The following TRMT9B variants were observed in gnomAD, a reference collection of about 807,000 sequenced individuals.
TRMT9B encodes tRNA methyltransferase 9B (putative), also known as probable tRNA methyltransferase 9B.
Under a neutral mutation model 11.5 loss-of-function variants are expected in TRMT9B, and 16 were observed. The ratio of observed to expected loss-of-function variants is 1.39; its 90% CI spans 0.94 to 2.11. The LOEUF is 2.11. Ranked by LOEUF, TRMT9B falls within the 30% of genes most tolerant of loss-of-function variation. The pLI, the probability that TRMT9B is intolerant of heterozygous loss-of-function variation, is 0.00. For missense variants in TRMT9B, 941 were observed against 553.8 expected, an observed-to-expected ratio of 1.70 and a Z score of -7.02; for synonymous variants, 274 against 192.4, an observed-to-expected ratio of 1.42 and a Z score of -3.51.
intron 1 of TRMT9B, among the ~76,000 whole-genome samples, chr8:12,961,140 A>AAAAC (rs1309613456): frequency 1.3e-5 from 2 of 152,098 alleles, no homozygotes; most frequent in Non-Finnish European, 2.9e-5. Flanking sequence ...ACTCCATCTC[A>AAAAC]AAACAAACAA....
intron 1 of TRMT9B, among the ~76,000 whole-genome samples, chr8:12,959,346 G>A (rs1039349974): frequency 9.2e-5 from 14 of 151,980 alleles, no homozygotes; most frequent in African/African-American, 1.2e-4. Flanking sequence ...TGTTTCATGC[G>A]TACAATTATT....
At chr8:12,991,398 A>G (rs572609678) in intron 2 of TRMT9B, among the ~76,000 whole-genome samples, 19 of 152,304 alleles carry the variant, frequency 1.2e-4, no homozygotes, top group African/African-American at 4.6e-4. Flanking sequence ...TGAAAAAGCT[A>G]TGCATTTTGT....
At chr8:13,016,358 G>A (rs1812703994) in intron 4 of TRMT9B, among the ~76,000 whole-genome samples, 2 of 145,402 alleles carry the variant, frequency 1.4e-5, no homozygotes, top group Non-Finnish European at 1.5e-5. Flanking sequence ...ACATATATAA[G>A]GACCTATATT....
At chr8:13,013,221 C>T (rs551983500) in intron 4 of TRMT9B, among the ~76,000 whole-genome samples, 1 of 152,280 alleles carries the variant, frequency 6.6e-6, no homozygotes, top group South Asian at 2.1e-4. Context: ...AGTTATATTA[C>T]CATTTTTTAG....
chr8:12,955,465 A>G, intron 1 of TRMT9B, among the ~76,000 whole-genome samples: 1 of 151,880 alleles, frequency 6.6e-6, no homozygotes, highest in East Asian at 1.9e-4. Context: ...CCCGATCATT[A>G]TTTCCCAGCC....
At chr8:13,004,288 G>A (rs779032685) in intron 2 of TRMT9B, among the ~76,000 whole-genome samples, 3 of 151,906 alleles carry the variant, frequency 2.0e-5, no homozygotes, top group Non-Finnish European at 4.4e-5. Context: ...CTCAGAGCCC[G>A]TGGACCAGGT....
intron 1 of TRMT9B, among the ~76,000 whole-genome samples, chr8:12,985,339 G>A (rs1806112162): frequency 6.6e-6 from 1 of 152,128 alleles, no homozygotes; most frequent in African/African-American, 2.4e-5. Context: ...CCTTTCCTTA[G>A]CATTTCCATT....
chr8:12,975,588 A>G (rs1804324477), intron 1 of TRMT9B, among the ~76,000 whole-genome samples: 1 of 152,048 alleles, frequency 6.6e-6, no homozygotes, highest in Non-Finnish European at 1.5e-5. Context: ...AATACAAAAA[A>G]TTAGCTGGGT....
At chr8:13,011,691 A>G in intron 3 of TRMT9B, 2 of 978,968 alleles carry the variant, frequency 2.0e-6, no homozygotes, top group Non-Finnish European at 2.4e-6. Flanking sequence ...GGCTTTGTAA[A>G]TCCTGAATTA....
In TRMT9B at chr8:13,010,807, CA is replaced by C. The variant is rs1163050497; in HGVS notation, c.155-1876del. 4.1e-6 allele frequency: 4 copies of C among 983,006 alleles called. No individual in the cohort carries two copies. In the African/African-American group the frequency reaches 7.0e-5, roughly 17 times the overall value. The allele number at this position is 983,006 out of a possible 1,614,324, so 60.9% of individuals were successfully genotyped here. ...AATAGGACCATCGTCTTTTGAAATA[CA>C]CAGGATTTTAATTTTAAAATACTTT... On this transcript the variant is annotated intron_variant, in intron 3 of 4. Transcript: ENST00000524591.
intron 1 of TRMT9B, among the ~76,000 whole-genome samples, chr8:12,959,518 T>C (rs543916516): frequency 2.1e-4 from 23 of 109,060 alleles, no homozygotes; most frequent in African/African-American, 8.4e-4. Context: ...TTTCCTTCCT[T>C]TTTTTTTTTT....
intron 1 of TRMT9B, among the ~76,000 whole-genome samples, chr8:12,949,577 A>C (rs187196651): frequency 1.3e-5 from 2 of 152,040 alleles, no homozygotes; most frequent in African/African-American, 4.8e-5. Context: ...AAATCTCTTT[A>C]TTTTTCTACC....
chr8:12,961,173 T>G (rs1802051611), intron 1 of TRMT9B, among the ~76,000 whole-genome samples: 1 of 151,796 alleles, frequency 6.6e-6, no homozygotes, highest in South Asian at 2.1e-4. Flanking sequence ...CTATTCTGTG[T>G]GATATAGTAG....
intron 1 of TRMT9B, among the ~76,000 whole-genome samples, chr8:12,986,145 A>C (rs1028642458): frequency 2.0e-5 from 3 of 152,200 alleles, no homozygotes; most frequent in Non-Finnish European, 4.4e-5. Flanking sequence ...TACAGGCATG[A>C]GCCACTGTGC....
intron 1 of TRMT9B, among the ~76,000 whole-genome samples, chr8:12,975,848 T>G (rs1020337487): frequency 2.6e-5 from 4 of 152,200 alleles, no homozygotes; most frequent in Admixed American, 6.5e-5. Flanking sequence ...TTGCCAGATA[T>G]GGTGACAGAC....
intron 1 of TRMT9B, among the ~76,000 whole-genome samples, chr8:12,975,920 A>G (rs75872233): frequency 0.014 from 2,190 of 152,294 alleles, 55 homozygotes; most frequent in African/African-American, 0.049. Flanking sequence ...AGTTGGGGGC[A>G]ATAAACAAGC....
At chr8:12,948,780 G>A (rs1217925901) in intron 1 of TRMT9B, among the ~76,000 whole-genome samples, 2 of 151,990 alleles carry the variant, frequency 1.3e-5, no homozygotes. Flanking sequence ...CTAACACGGT[G>A]AAACCTCATC....
intron 4 of TRMT9B, among the ~76,000 whole-genome samples, chr8:13,015,098 T>TAAAA (rs1230885027): frequency 1.0e-4 from 15 of 147,382 alleles, no homozygotes; most frequent in African/African-American, 3.9e-4. Context: ...AATAAATAAA[T>TAAAA]AAAATAAAAA....
At chr8:12,976,433 A>G (rs528916412) in intron 1 of TRMT9B, among the ~76,000 whole-genome samples, 24 of 151,654 alleles carry the variant, frequency 1.6e-4, no homozygotes, top group Middle Eastern at 3.4e-3. Context: ...GATACTATAT[A>G]TTAGTTACAT....
Sources: allele counts gnomAD v4.1 joint callset (sites outside exome capture counted in the v4.1 genomes callset), GRCh38; gene constraint gnomAD v4.1.1; transcripts MANE v1.5; gene names NCBI Gene and HGNC (gene_info 2026-07-23, HGNC 2026-07-21).